NRG4: variants seen among roughly 807,000 people sequenced by gnomAD.
NRG4 encodes the protein neuregulin 4, also known as pro-neuregulin-4, membrane-bound isoform.
In NRG4, 10 loss-of-function variants were observed where a neutral mutation model predicts 15.0. That is an observed-to-expected ratio of 0.67 (90% CI 0.41 to 1.13). The LOEUF (loss-of-function observed/expected upper bound fraction) is 1.13, where lower values mean the gene tolerates loss of function less well. NRG4 is among the 50% of genes most tolerant of loss of function. NRG4 has a pLI of 0.00. For synonymous variants in NRG4, 41 were observed against 50.1 expected, an observed-to-expected ratio of 0.82 and a Z score of 0.77; for missense variants, 139 against 140.2, an observed-to-expected ratio of 0.99 and a Z score of 0.04.
intron 3 of NRG4, among the ~76,000 whole-genome samples, chr15:75,973,153 C>A (rs565491236): frequency 2.0e-4 from 30 of 152,202 alleles, no homozygotes; most frequent in Middle Eastern, 3.4e-3. Context: ...GGAATTCACT[C>A]ATGATTTGGC....
intron 4 of NRG4, among the ~76,000 whole-genome samples, chr15:76,044,149 CA>C (rs2035810208): frequency 6.6e-6 from 1 of 151,110 alleles, no homozygotes. Flanking sequence ...AAGCGCCCGC[CA>C]CCGCGCCCGG....
chr15:75,955,383 A>G (rs1431474889), intron 5 of NRG4, among the ~76,000 whole-genome samples: 1 of 152,176 alleles, frequency 6.6e-6, no homozygotes, highest in Non-Finnish European at 1.5e-5. Flanking sequence ...GCCATCTCTC[A>G]GGGCTCATGG....
chr15:76,059,295 C>T (rs1274008729), intron 1 of NRG4, among the ~76,000 whole-genome samples: 1 of 152,240 alleles, frequency 6.6e-6, no homozygotes, highest in Non-Finnish European at 1.5e-5. Flanking sequence ...AGTCAAGGCA[C>T]TCTGACCGTG....
Position 75,942,541 on chromosome 15 carries a change from T to A in NRG4, c.*1097A>T, listed in dbSNP as rs1247860999. ...AGAGCTTTTCATTTTGTGTACTCTGTCTCAATGTCTTACCCTCATGTGTTT... is the reference window on the plus strand; with the variant it reads ...AGAGCTTTTCATTTTGTGTACTCTGACTCAATGTCTTACCCTCATGTGTTT... On this transcript the variant is annotated 3_prime_UTR_variant, in exon 6 of 6. Transcript: ENST00000394907. 1 of 152,198 alleles carries A rather than the reference T, an allele frequency of 6.6e-6. No individual in the cohort carries two copies. The allele number at this position is 152,198 out of a possible 1,614,324, so 9.4% of individuals were successfully genotyped here.
chr15:75,984,762 T>C (rs895738587), intron 3 of NRG4, among the ~76,000 whole-genome samples: 1 of 152,156 alleles, frequency 6.6e-6, no homozygotes, highest in African/African-American at 2.4e-5. Flanking sequence ...GTTCTGTACA[T>C]GTATCCCAGA....
Position 76,011,257 on chromosome 15 carries a change from G to T in NRG4, c.-27C>A. The T allele has an allele frequency of 6.9e-7, 1 of 1,439,230 alleles. No individual in the cohort carries two copies. The highest frequency in any genetic ancestry group is 1.7e-5 in the South Asian group (1 of 58,712). The allele number at this position is 1,439,230 out of a possible 1,614,324, so 89.2% of individuals were successfully genotyped here. A position where few individuals can be genotyped will look rare whatever the true frequency, so the allele number is the denominator to read the frequency against. ...TTAATTTGTAAATAGTTTCATTCTT[G>T]GTCAAGAGAGTAGGGTTGAAAAACA... On this transcript the variant is annotated 5_prime_UTR_variant, in exon 2 of 6. Transcript: ENST00000394907.
intron 3 of NRG4, among the ~76,000 whole-genome samples, chr15:75,971,788 CATA>C (rs1296191993): frequency 6.6e-6 from 1 of 151,986 alleles, no homozygotes; most frequent in Non-Finnish European, 1.5e-5. Context: ...AATCTAAGTT[CATA>C]ATAAGAGTAA....
intron 3 of NRG4, among the ~76,000 whole-genome samples, chr15:75,984,947 T>G (rs941713515): frequency 6.6e-6 from 1 of 152,098 alleles, no homozygotes; most frequent in African/African-American, 2.4e-5. Flanking sequence ...CAGGTTCAAG[T>G]GATTCTTGTG....
chr15:76,026,086 G>GA (rs1440931867), intron 5 of NRG4, among the ~76,000 whole-genome samples: 3 of 151,910 alleles, frequency 2.0e-5, no homozygotes, highest in South Asian at 2.1e-4. Context: ...AAAAGAAGGG[G>GA]AAAAAAGCTA....
intron 3 of NRG4, among the ~76,000 whole-genome samples, chr15:75,970,743 C>T (rs1235700308): frequency 6.6e-6 from 1 of 152,188 alleles, no homozygotes; most frequent in East Asian, 1.9e-4. Flanking sequence ...AGTGAGACAG[C>T]AAGAAAAGGC....
intron 3 of NRG4, among the ~76,000 whole-genome samples, chr15:75,967,800 TA>T (rs952031955): frequency 2.8e-4 from 43 of 152,292 alleles, no homozygotes; most frequent in African/African-American, 9.9e-4. Flanking sequence ...GTTACCCAGA[TA>T]ATTTATATGC....
chr15:76,029,420 C>G (rs1356403403), intron 5 of NRG4, among the ~76,000 whole-genome samples: 2 of 152,148 alleles, frequency 1.3e-5, no homozygotes, highest in Non-Finnish European at 2.9e-5. Flanking sequence ...GAAGTGCTAT[C>G]TATGTACAGC....
At chr15:76,037,559 G>A (rs552007766) in intron 4 of NRG4, among the ~76,000 whole-genome samples, 2 of 152,290 alleles carry the variant, frequency 1.3e-5, no homozygotes, top group African/African-American at 4.8e-5. Flanking sequence ...TTGAGTTCCA[G>A]CAAGCTTCCT....
At chr15:75,975,174 CCTTT>C (rs2033309794) in intron 3 of NRG4, among the ~76,000 whole-genome samples, 1 of 152,006 alleles carries the variant, frequency 6.6e-6, no homozygotes, top group Non-Finnish European at 1.5e-5. Flanking sequence ...GATTGTAACC[CCTTT>C]CTTTTTTTTC....
At chr15:76,056,327 C>T (rs1165806085) in intron 2 of NRG4, among the ~76,000 whole-genome samples, 1 of 151,964 alleles carries the variant, frequency 6.6e-6, no homozygotes, top group Admixed American at 6.6e-5. Flanking sequence ...TGTGCTGGCG[C>T]ATGCCTGTAA....
chr15:76,007,087 A>G (rs1295754180), intron 3 of NRG4, among the ~76,000 whole-genome samples: 1 of 152,110 alleles, frequency 6.6e-6, no homozygotes, highest in East Asian at 1.9e-4. Flanking sequence ...TAAAATTTTT[A>G]GGATAAAACA....
At chr15:76,023,183 C>CACACAA (rs67858639) in intron 5 of NRG4, among the ~76,000 whole-genome samples, 1,130 of 112,334 alleles carry the variant, frequency 0.01, 11 homozygotes, top group East Asian at 0.028. Flanking sequence ...CACACACACA[C>CACACAA]AAGCAAGGAC....
intron 5 of NRG4, among the ~76,000 whole-genome samples, chr15:76,023,099 T>G (rs2035205108): frequency 6.7e-6 from 1 of 149,026 alleles, no homozygotes; most frequent in Non-Finnish European, 1.5e-5. Flanking sequence ...GTCAGCAAGA[T>G]AGCTCACTAG....
chr15:75,957,642 A>T (rs927487760), intron 4 of NRG4, among the ~76,000 whole-genome samples: 4 of 152,054 alleles, frequency 2.6e-5, no homozygotes, highest in African/African-American at 7.2e-5. Context: ...GGTAACTTTC[A>T]TCAGTTCTGA....
Sources: allele counts gnomAD v4.1 joint callset (sites outside exome capture counted in the v4.1 genomes callset), GRCh38; gene constraint gnomAD v4.1.1; transcripts MANE v1.5; gene names NCBI Gene and HGNC (gene_info 2026-07-23, HGNC 2026-07-21).